Variants in TMEFF2 observed in about 807,000 individuals in gnomAD.
The protein encoded by TMEFF2 is tomoregulin-2.
Under a neutral mutation model 53.8 loss-of-function variants are expected in TMEFF2, and 28 were observed. That is an observed-to-expected ratio of 0.52 (90% CI 0.39 to 0.71). TMEFF2 has a LOEUF of 0.71. Ranked by LOEUF, TMEFF2 falls within the 30% of genes least tolerant of loss-of-function variation. The probability of loss-of-function intolerance (pLI) is 0.00; values close to 1 mark genes in which losing one functional copy is unlikely to be tolerated. For synonymous variants in TMEFF2, 162 were observed against 166.3 expected (o/e 0.97, Z 0.20); for missense variants, 353 against 455.2 (o/e 0.78, Z 2.04).
intron 4 of TMEFF2, among the ~76,000 whole-genome samples, chr2:192,089,594 G>A (rs7556774): frequency 0.4 from 61,294 of 151,822 alleles, 14,193 homozygotes; most frequent in South Asian, 0.54. Flanking sequence ...CAGCATCTGC[G>A]ATTTGGGTCT....
chr2:191,964,370 T>C (rs201454976), intron 7 of TMEFF2, among the ~76,000 whole-genome samples: 1,153 of 74,488 alleles, frequency 0.015, 28 homozygotes, highest in South Asian at 0.023. Context: ...CTTTCTTTCT[T>C]TCTCTTTCTT....
intron 7 of TMEFF2, among the ~76,000 whole-genome samples, chr2:191,990,299 A>C (rs1035072669): frequency 6.6e-6 from 1 of 152,186 alleles, no homozygotes; most frequent in Non-Finnish European, 1.5e-5. Flanking sequence ...GTTTATATAT[A>C]GTTTCAAATC....
At chr2:192,171,006 T>C (rs1163132612) in intron 4 of TMEFF2, among the ~76,000 whole-genome samples, 2 of 152,094 alleles carry the variant, frequency 1.3e-5, no homozygotes, top group Non-Finnish European at 2.9e-5. Flanking sequence ...ATTTAGTACA[T>C]TGAAAGAAAA....
chr2:192,104,372 T>G (rs1490097885), intron 4 of TMEFF2, among the ~76,000 whole-genome samples: 4 of 152,136 alleles, frequency 2.6e-5, no homozygotes, highest in African/African-American at 9.6e-5. Flanking sequence ...GTTAGTTTTC[T>G]TTGAGTGAAT....
intron 7 of TMEFF2, among the ~76,000 whole-genome samples, chr2:191,986,859 GAAAAAA>G (rs35061261): frequency 1.7e-3 from 131 of 76,552 alleles, no homozygotes; most frequent in African/African-American, 5.2e-3. Flanking sequence ...CTCCGTCTCA[GAAAAAA>G]AAAAAAAAAA....
intron 7 of TMEFF2, among the ~76,000 whole-genome samples, chr2:191,984,273 AGTT>A (rs1240942950): frequency 3.9e-5 from 6 of 152,132 alleles, no homozygotes; most frequent in Non-Finnish European, 8.8e-5. Flanking sequence ...GTTTTTCCAA[AGTT>A]AATCTAAGTT....
In TMEFF2 at chr2:192,184,375, ACAC is replaced by A; in HGVS notation, c.388_390del (p.Val130del). On this transcript the variant is annotated inframe_deletion, in exon 3 of 10. Transcript: ENST00000272771. ...ATACCTGTGGCACATGATCCTTCTG[ACAC>A]CACAAGTATCTCACTCTGCTGTTTG... 1 of 1,613,308 alleles carries A rather than the reference ACAC, an allele frequency of 6.2e-7. No homozygotes were observed. Among genetic ancestry groups the A allele is most frequent in the Admixed American group, 1.7e-5 (1 of 59,948 alleles).
chr2:192,072,074 AATAT>A (rs1270319854), intron 4 of TMEFF2, among the ~76,000 whole-genome samples: 1 of 151,924 alleles, frequency 6.6e-6, no homozygotes, highest in East Asian at 1.9e-4. Flanking sequence ...TGAAGCAAGG[AATAT>A]ATAGTCTGCT....
intron 4 of TMEFF2, among the ~76,000 whole-genome samples, chr2:192,115,133 C>T (rs1422334744): frequency 6.6e-6 from 1 of 151,748 alleles, no homozygotes; most frequent in Non-Finnish European, 1.5e-5. Flanking sequence ...CTAAAGCAAC[C>T]TTGAGTAAGA....
intron 4 of TMEFF2, among the ~76,000 whole-genome samples, chr2:192,163,254 T>A (rs1473538999): frequency 2.0e-5 from 3 of 152,140 alleles, no homozygotes; most frequent in Admixed American, 2.0e-4. Context: ...TGTGTGGACA[T>A]TTACATTGAC....
At chr2:192,066,510 A>G (rs1279766770) in intron 4 of TMEFF2, among the ~76,000 whole-genome samples, 1 of 151,936 alleles carries the variant, frequency 6.6e-6, no homozygotes, top group East Asian at 1.9e-4. Context: ...AGATCATTAC[A>G]GAATATTTAA....
chr2:192,130,563 C>A (rs562620648), intron 4 of TMEFF2, among the ~76,000 whole-genome samples: 1 of 152,272 alleles, frequency 6.6e-6, no homozygotes, highest in African/African-American at 2.4e-5. Flanking sequence ...GAGCGATTAA[C>A]CCTGTGAATT....
At chr2:192,023,650 T>C (rs1170506950) in intron 5 of TMEFF2, among the ~76,000 whole-genome samples, 4 of 151,844 alleles carry the variant, frequency 2.6e-5, no homozygotes, top group South Asian at 2.1e-4. Context: ...TTTGCACTTA[T>C]GCTAATTTGA....
chr2:192,155,634 T>A (rs1690489634), intron 4 of TMEFF2, among the ~76,000 whole-genome samples: 2 of 151,960 alleles, frequency 1.3e-5, no homozygotes, highest in Non-Finnish European at 2.9e-5. Flanking sequence ...ATTGTTTTTC[T>A]CTCTAAAATC....
chr2:191,986,745 C>T (rs907379864), intron 7 of TMEFF2, among the ~76,000 whole-genome samples: 1 of 151,198 alleles, frequency 6.6e-6, no homozygotes, highest in African/African-American at 2.4e-5. Flanking sequence ...GTAATCCCAG[C>T]TACTCAGGAG....
Position 191,999,150 on chromosome 2 carries a change from C to T in TMEFF2, c.595G>A (p.Gly199Arg), listed in dbSNP as rs778109157. The T allele has an allele frequency of 1.2e-6, 2 of 1,612,348 alleles. No individual in the cohort carries two copies. The highest frequency in any genetic ancestry group is 1.7e-6 in the Non-Finnish European group (2 of 1,178,742). The change falls in exon 6 of 10, where the codon GGG becomes AGG. Residue 199 changes from glycine to arginine, a missense_variant. By Grantham distance (125) the Gly-to-Arg change is moderately radical. Around this residue, in one of 3 missense-constraint regions of TMEFF2, gnomAD observed 294 missense variants for 397.3 expected, o/e 0.74. Coordinates refer to ENST00000272771, the MANE Select transcript of TMEFF2 (RefSeq NM_016192.4). ...TNFNPLCASD[G>R]KSYDNACQIK... is the part of the protein sequence containing the mutation. ...TGGCATGCATTATCATAAGATTTCC[C>T]ATCAGAAGCGCAGAGGGGATTGAAG...
intron 7 of TMEFF2, among the ~76,000 whole-genome samples, chr2:191,963,391 C>G (rs1692326391): frequency 6.6e-6 from 1 of 152,136 alleles, no homozygotes; most frequent in South Asian, 2.1e-4. Flanking sequence ...GAAAATGACA[C>G]TAAGTAACAG....
At chr2:192,011,965 C>T (rs1686638254) in intron 5 of TMEFF2, among the ~76,000 whole-genome samples, 1 of 152,150 alleles carries the variant, frequency 6.6e-6, no homozygotes, top group African/African-American at 2.4e-5. Context: ...CCGCTTACTG[C>T]AAGCTCTGCC....
chr2:191,959,487 A>G (rs950883478), intron 7 of TMEFF2, among the ~76,000 whole-genome samples: 1 of 152,220 alleles, frequency 6.6e-6, no homozygotes, highest in East Asian at 1.9e-4. Flanking sequence ...GGAAAGAAAC[A>G]GGGAAAGCTA....
Sources: gnomAD v4.1 joint callset for allele counts (sites outside exome capture counted in the v4.1 genomes callset) on GRCh38, gnomAD v4.1.1 for gene constraint, gnomAD v4.1.1 regional missense constraint, MANE v1.5 for transcripts, NCBI Gene and HGNC (gene_info 2026-07-23, HGNC 2026-07-21) for gene names.